Variants in MARCHF1 observed in about 807,000 individuals in gnomAD.
The protein encoded by MARCHF1 is membrane associated ring-CH-type finger 1, also known as E3 ubiquitin-protein ligase MARCHF1.
A neutral mutation model predicts 54.2 loss-of-function variants in MARCHF1; 40 were observed. The ratio of observed to expected loss-of-function variants is 0.74; its 90% CI spans 0.57 to 0.96. The LOEUF (loss-of-function observed/expected upper bound fraction) is 0.96, where lower values mean the gene tolerates loss of function less well. MARCHF1 is among the 40% of genes least tolerant of loss of function. The pLI is 0.00. For synonymous variants in MARCHF1, 236 were observed against 236.3 expected (o/e 1.00, Z 0.01); for missense variants, 586 against 656.5 (o/e 0.89, Z 1.17).
intron 1 of MARCHF1, among the ~76,000 whole-genome samples, chr4:164,247,581 C>T (rs1489582745): frequency 7.6e-6 from 1 of 131,930 alleles, no homozygotes; most frequent in Non-Finnish European, 1.6e-5. Context: ...ACAATGTGCA[C>T]ATGTACCCTA....
At chr4:164,319,319 A>G (rs1393474227) in intron 1 of MARCHF1, among the ~76,000 whole-genome samples, 1 of 152,168 alleles carries the variant, frequency 6.6e-6, no homozygotes, top group African/African-American at 2.4e-5. Flanking sequence ...TATATAAGGA[A>G]CATAAGCATT....
intron 2 of MARCHF1, among the ~76,000 whole-genome samples, chr4:164,037,797 T>C (rs1178958455): frequency 6.6e-6 from 1 of 152,172 alleles, no homozygotes; most frequent in Non-Finnish European, 1.5e-5. Context: ...ACCCTTGATA[T>C]GATGTGATGA....
At chr4:163,816,392 T>A (rs1294181336) in intron 4 of MARCHF1, among the ~76,000 whole-genome samples, 3 of 146,742 alleles carry the variant, frequency 2.0e-5, no homozygotes, top group African/African-American at 5.0e-5. Flanking sequence ...TTTTTTTTTT[T>A]ATAAATAGTA....
intron 5 of MARCHF1, among the ~76,000 whole-genome samples, chr4:163,655,602 C>T (rs1419276665): frequency 6.6e-6 from 1 of 151,860 alleles, no homozygotes; most frequent in Admixed American, 6.6e-5. Context: ...ACAGAATATA[C>T]ATTTTTCTTG....
chr4:163,881,595 C>A (rs561798200), intron 3 of MARCHF1, among the ~76,000 whole-genome samples: 79 of 151,770 alleles, frequency 5.2e-4, no homozygotes, highest in Non-Finnish European at 1.0e-3. Context: ...AGTTCATCTA[C>A]AAAATAATTG....
chr4:163,826,287 C>T (rs1236087188), intron 4 of MARCHF1, among the ~76,000 whole-genome samples: 2 of 151,996 alleles, frequency 1.3e-5, no homozygotes, highest in Non-Finnish European at 2.9e-5. Flanking sequence ...GTAGATCCAA[C>T]AGTTATTAAG....
intron 1 of MARCHF1, among the ~76,000 whole-genome samples, chr4:164,242,363 G>C (rs1335669653): frequency 6.8e-6 from 1 of 146,830 alleles, no homozygotes; most frequent in Non-Finnish European, 1.5e-5. Context: ...CCCCAGCAGG[G>C]GCACACTGAC....
intron 1 of MARCHF1, among the ~76,000 whole-genome samples, chr4:164,218,808 C>A (rs1560959029): frequency 6.7e-6 from 1 of 149,588 alleles, no homozygotes; most frequent in East Asian, 2.0e-4. Flanking sequence ...ATGTAACAAA[C>A]CTGCATGTTG....
intron 1 of MARCHF1, among the ~76,000 whole-genome samples, chr4:164,143,594 A>G (rs573089689): frequency 1.3e-5 from 2 of 152,172 alleles, no homozygotes; most frequent in South Asian, 4.2e-4. Context: ...TGAAGGAGAA[A>G]TAAAATCCTT....
At chr4:163,544,708 C>CT (rs1560932599) in intron 9 of MARCHF1, among the ~76,000 whole-genome samples, 3 of 99,638 alleles carry the variant, frequency 3.0e-5, no homozygotes, top group African/African-American at 9.5e-5. Flanking sequence ...CTTACCTCCT[C>CT]TCTTTTTTTG....
At chr4:163,949,108 G>A (rs1313889640) in intron 3 of MARCHF1, among the ~76,000 whole-genome samples, 4 of 152,150 alleles carry the variant, frequency 2.6e-5, no homozygotes, top group African/African-American at 7.2e-5. Context: ...TCTCACTACC[G>A]GCTTGGATCC....
chr4:164,349,571 T>G (rs1046778621), intron 1 of MARCHF1, among the ~76,000 whole-genome samples: 1 of 152,188 alleles, frequency 6.6e-6, no homozygotes, highest in Non-Finnish European at 1.5e-5. Flanking sequence ...AGTTTTCATG[T>G]CCTTTTATGG....
At chr4:163,957,146 C>A (rs1752247419) in intron 3 of MARCHF1, among the ~76,000 whole-genome samples, 1 of 137,688 alleles carries the variant, frequency 7.3e-6, no homozygotes, top group Admixed American at 8.1e-5. Context: ...CTAGTTACAG[C>A]TGACAATAAT....
rs180724845 is a variant in MARCHF1 at position 164,119,166 on chromosome 4, C to A, written c.-322-7504G>T. Among the ~76,000 whole-genome samples, 6 of 151,580 alleles carry A rather than the reference C, an allele frequency of 4.0e-5. 1 individual carries two copies. In the East Asian group the frequency reaches 9.7e-4, roughly 24 times the overall value. On this transcript the variant is annotated intron_variant, in intron 1 of 9. Transcript: ENST00000514618. Reference sequence around the variant, plus strand: ...AAAGTATGAATGAAACACAGTATTCCCCAGTCACAATGCAATAAAACTAAA... The same window carrying A: ...AAAGTATGAATGAAACACAGTATTCACCAGTCACAATGCAATAAAACTAAA...
chr4:164,044,559 C>G (rs540688580), intron 2 of MARCHF1, among the ~76,000 whole-genome samples: 42 of 151,438 alleles, frequency 2.8e-4, no homozygotes, highest in African/African-American at 9.2e-4. Flanking sequence ...AAATCCAAAC[C>G]ATATCAATAT....
At chr4:163,699,966 T>TTTG (rs1374668640) in intron 5 of MARCHF1, among the ~76,000 whole-genome samples, 2 of 151,708 alleles carry the variant, frequency 1.3e-5, no homozygotes, top group Non-Finnish European at 2.9e-5. Flanking sequence ...ATATTTTGTT[T>TTTG]TTTTTTTTTA....
At chr4:164,144,133 T>C (rs566882353) in intron 1 of MARCHF1, among the ~76,000 whole-genome samples, 117 of 151,802 alleles carry the variant, frequency 7.7e-4, no homozygotes, top group Non-Finnish European at 1.3e-3. Context: ...ATCCTAAATA[T>C]ATATGCACCC....
intron 1 of MARCHF1, among the ~76,000 whole-genome samples, chr4:164,145,382 T>G (rs532493239): frequency 1.3e-5 from 2 of 151,970 alleles, no homozygotes; most frequent in African/African-American, 2.4e-5. Flanking sequence ...AAGAGAATTT[T>G]AGACCAATAT....
At chr4:164,356,628 G>A (rs185270596) in intron 1 of MARCHF1, among the ~76,000 whole-genome samples, 13,215 of 137,286 alleles carry the variant, frequency 0.096, 999 homozygotes, top group Non-Finnish European at 0.15. Context: ...TGGGGGGAGT[G>A]GGGAGGGTTA....
Sources: allele counts gnomAD v4.1 joint callset (sites outside exome capture counted in the v4.1 genomes callset), GRCh38; gene constraint gnomAD v4.1.1; transcripts MANE v1.5; gene names NCBI Gene and HGNC (gene_info 2026-07-23, HGNC 2026-07-21).